Variants in SMAD3 observed in about 807,000 individuals in gnomAD.
SMAD3 encodes SMAD family member 3.
SMAD3 carries 12 observed loss-of-function variants against 51.8 expected under a neutral mutation model. The ratio of observed to expected loss-of-function variants is 0.23; its 90% CI spans 0.15 to 0.38. The LOEUF (loss-of-function observed/expected upper bound fraction) is 0.38, where lower values mean the gene tolerates loss of function less well. Ranked by LOEUF, SMAD3 falls within the 10% of genes least tolerant of loss-of-function variation. SMAD3 has a pLI of 1.00. For synonymous variants in SMAD3, 238 were observed against 227.7 expected, an observed-to-expected ratio of 1.05 and a Z score of -0.41; for missense variants, 294 against 565.6, an observed-to-expected ratio of 0.52 and a Z score of 4.87.
At position 67,190,566 on chromosome 15, in the gene SMAD3, C is replaced by T. The variant is rs201206131; in HGVS notation, c.*30C>T. ...ATCAAGTATGGTAGGGGAGGGCAGG[C>T]TTGGGGAAAATGGCCATGCAGGAGG... On this transcript the variant is annotated 3_prime_UTR_variant, in exon 9 of 9. Coordinates refer to ENST00000327367, the MANE Select transcript of SMAD3 (RefSeq NM_005902.4). 15 of 1,612,176 alleles carry T rather than the reference C, an allele frequency of 9.3e-6. No individual in the cohort carries two copies. In the East Asian group the frequency reaches 3.3e-4, roughly 36 times the overall value.
intron 1 of SMAD3, among the ~76,000 whole-genome samples, chr15:67,162,074 A>G (rs1276884536): frequency 6.6e-6 from 1 of 152,194 alleles, no homozygotes; most frequent in Non-Finnish European, 1.5e-5. Flanking sequence ...CAGCAGCTCC[A>G]GGTCAGTTCC....
chr15:67,100,316 A>G (rs1960722724), intron 1 of SMAD3, among the ~76,000 whole-genome samples: 1 of 152,148 alleles, frequency 6.6e-6, no homozygotes, highest in East Asian at 1.9e-4. Context: ...GTATCCCCAT[A>G]GGCAAATTCA....
chr15:67,179,744 T>C (rs1183144132), intron 5 of SMAD3, among the ~76,000 whole-genome samples: 1 of 152,136 alleles, frequency 6.6e-6, no homozygotes, highest in Non-Finnish European at 1.5e-5. Context: ...GCAGGGATCC[T>C]CCCAGTGGGT....
chr15:67,088,347 G>A (rs1316863380), intron 1 of SMAD3, among the ~76,000 whole-genome samples: 5 of 152,226 alleles, frequency 3.3e-5, no homozygotes, highest in Admixed American at 1.3e-4. Flanking sequence ...GTGGGCAGGG[G>A]CCTAGGGAAG....
chr15:67,096,715 A>G (rs1960622167), intron 1 of SMAD3, among the ~76,000 whole-genome samples: 1 of 151,976 alleles, frequency 6.6e-6, no homozygotes, highest in African/African-American at 2.4e-5. Flanking sequence ...TTATGCAGCC[A>G]ACCCTGACTG....
intron 6 of SMAD3, among the ~76,000 whole-genome samples, chr15:67,182,990 AAAAAAAAAAAATATATATATAT>A (rs1255408377): frequency 3.2e-5 from 1 of 31,330 alleles, no homozygotes; most frequent in African/African-American, 1.3e-4. Flanking sequence ...TTTTATTAAA[AAAAAAAAAAAATATATATATAT>A]ATATATATAT....
intron 1 of SMAD3, among the ~76,000 whole-genome samples, chr15:67,126,415 C>T (rs765282196): frequency 2.0e-5 from 3 of 152,158 alleles, no homozygotes; most frequent in Non-Finnish European, 4.4e-5. Flanking sequence ...GTTTCTTGGC[C>T]TCTCCCTAGA....
At chr15:67,075,915 A>AG (rs35576670) in intron 1 of SMAD3, among the ~76,000 whole-genome samples, 3 of 44,752 alleles carry the variant, frequency 6.7e-5, no homozygotes, top group African/African-American at 1.3e-4. Flanking sequence ...ACTCTGTCTC[A>AG]AAAAAAAAAA....
chr15:67,137,872 C>A, intron 1 of SMAD3: 1 of 604,964 alleles, frequency 1.7e-6, no homozygotes, highest in South Asian at 2.0e-5. Flanking sequence ...TACTGTCCTC[C>A]CTTTGGATTT....
At position 67,190,559 on chromosome 15, in the gene SMAD3, G is replaced by C; in HGVS notation, c.*23G>C. On this transcript the variant is annotated 3_prime_UTR_variant, in exon 9 of 9. Transcript: ENST00000327367. ...TAGAGACATCAAGTATGGTAGGGGA[G>C]GGCAGGCTTGGGGAAAATGGCCATG... 1 of 1,613,130 alleles carries C rather than the reference G, an allele frequency of 6.2e-7. No homozygotes were observed. The highest frequency in any genetic ancestry group is 8.5e-7 in the Non-Finnish European group (1 of 1,179,454).
rs141441040 is a variant in SMAD3, at chr15:67,160,978, T to A, written c.207-3917T>A. 4.0e-3 allele frequency among the ~76,000 whole-genome samples: 602 copies of A among 152,086 alleles called. 6 individuals carry two copies. Among genetic ancestry groups the A allele is most frequent in the Middle Eastern group, 0.014 (4 of 292 alleles). On this transcript the variant is annotated intron_variant, in intron 1 of 8. Transcript: ENST00000327367. The stretch of plus-strand genomic sequence containing the variant: ...AATCTTGATGCGGTCTGATTTTTTT[T>A]TTATTATTATTAAGTGCTTTTTGGT...
chr15:67,156,585 C>G (rs1211345046), intron 1 of SMAD3, among the ~76,000 whole-genome samples: 1 of 152,238 alleles, frequency 6.6e-6, no homozygotes, highest in East Asian at 1.9e-4. Flanking sequence ...ATAATGATAC[C>G]TGCAAGTTAA....
intron 1 of SMAD3, among the ~76,000 whole-genome samples, chr15:67,161,997 T>C (rs1404128406): frequency 6.6e-6 from 1 of 152,164 alleles, no homozygotes; most frequent in Non-Finnish European, 1.5e-5. Context: ...GTTTTTCAGC[T>C]GTAGGGCTTC....
intron 4 of SMAD3, among the ~76,000 whole-genome samples, chr15:67,167,317 C>A (rs538555072): frequency 6.6e-6 from 1 of 152,108 alleles, no homozygotes; most frequent in African/African-American, 2.4e-5. Flanking sequence ...TGTCTGGAGT[C>A]CAGAGAGTGT....
At chr15:67,168,433 C>T (rs1477023616) in intron 4 of SMAD3, among the ~76,000 whole-genome samples, 6 of 152,234 alleles carry the variant, frequency 3.9e-5, no homozygotes, top group Non-Finnish European at 5.9e-5. Context: ...GCCAAGTGAC[C>T]GCTGCAAGCT....
At chr15:67,074,552 C>T (rs1960126551) in intron 1 of SMAD3, among the ~76,000 whole-genome samples, 3 of 152,220 alleles carry the variant, frequency 2.0e-5, no homozygotes, top group East Asian at 3.8e-4. Flanking sequence ...AAGTGAGTTT[C>T]CTCCTAAATA....
chr15:67,188,284 C>A (rs538384020), intron 8 of SMAD3, among the ~76,000 whole-genome samples: 1 of 151,288 alleles, frequency 6.6e-6, no homozygotes, highest in Admixed American at 6.6e-5. Context: ...ACTACAGGTG[C>A]GTGCTACCAC....
chr15:67,166,874 C>G lies in SMAD3; in HGVS notation c.607+21C>G. 3 of 1,562,762 alleles carry G rather than the reference C, an allele frequency of 1.9e-6. No individual in the cohort carries two copies. The South Asian group carries it at 3.5e-5, about 18-fold the overall frequency. ...CGCAGGTCAGTCATGCAGGGTCATG[C>G]TCTTATTCTTAACTGATTAGCAGCT... On this transcript the variant is annotated intron_variant, in intron 4 of 8. Transcript: ENST00000327367.
chr15:67,135,558 TA>T (rs398118955), intron 1 of SMAD3, among the ~76,000 whole-genome samples: 5 of 152,160 alleles, frequency 3.3e-5, no homozygotes, highest in Non-Finnish European at 7.4e-5. Context: ...TGTTTTTTTT[TA>T]AAAAAAACTT....
Sources: allele counts gnomAD v4.1 joint callset (sites outside exome capture counted in the v4.1 genomes callset), GRCh38; gene constraint gnomAD v4.1.1; transcripts MANE v1.5; gene names NCBI Gene and HGNC (gene_info 2026-07-23, HGNC 2026-07-21).